Variants in SLC25A28 observed in about 807,000 individuals in gnomAD.
SLC25A28 encodes the protein solute carrier family 25 member 28, also known as mitoferrin-2.
SLC25A28 carries 10 observed loss-of-function variants against 31.9 expected under a neutral mutation model. The ratio of observed to expected loss-of-function variants is 0.31; its 90% CI spans 0.19 to 0.53. The LOEUF is 0.53. SLC25A28 is among the 20% of genes least tolerant of loss of function. SLC25A28 has a pLI of 0.95. For synonymous variants in SLC25A28, 208 were observed against 203.6 expected, an observed-to-expected ratio of 1.02 and a Z score of -0.19; for missense variants, 256 against 490.3, an observed-to-expected ratio of 0.52 and a Z score of 4.51.
the SLC25A28 span, among the ~76,000 whole-genome samples, chr10:99,658,305 G>A: frequency 6.6e-6 from 1 of 152,084 alleles, no homozygotes. Flanking sequence ...AAAGCATTTG[G>A]GTGGTCTTCC....
At chr10:99,612,883 C>T (rs1163530731) in intron 2 of SLC25A28, among the ~76,000 whole-genome samples, 1 of 152,186 alleles carries the variant, frequency 6.6e-6, no homozygotes, top group Non-Finnish European at 1.5e-5. Context: ...ATGCAGCTCA[C>T]ACCCCAGACA....
the SLC25A28 span, among the ~76,000 whole-genome samples, chr10:99,627,982 C>A: frequency 1.3e-5 from 2 of 152,104 alleles, no homozygotes; most frequent in African/African-American, 4.8e-5. Context: ...GAGAACAGAG[C>A]AGTGAGTTTT....
chr10:99,631,862 A>G, the SLC25A28 span, among the ~76,000 whole-genome samples: 2 of 150,664 alleles, frequency 1.3e-5, no homozygotes, highest in African/African-American at 2.4e-5. Flanking sequence ...TCTGTACTGA[A>G]CACGCTCAGT....
intron 2 of SLC25A28, 144 bp from the exon 3 acceptor site, chr10:99,612,743 T>G (rs745786203): frequency 1.0e-5 from 9 of 869,724 alleles, no homozygotes; most frequent in Non-Finnish European, 1.7e-5. Flanking sequence ...GGGGACCCAC[T>G]GCTCCTAAAC....
intron 1 of SLC25A28, 118 bp from the exon 2 acceptor site, chr10:99,614,042 T>C (rs1322801101): frequency 9.9e-6 from 12 of 1,212,674 alleles, no homozygotes; most frequent in African/African-American, 1.5e-5. Context: ...GATATCTGGC[T>C]TTCAGCTTAT....
chr10:99,643,322 C>A, the SLC25A28 span, among the ~76,000 whole-genome samples: 2 of 152,150 alleles, frequency 1.3e-5, no homozygotes, highest in African/African-American at 4.8e-5. Flanking sequence ...GGAATTTATC[C>A]ATTTCTTCTA....
intron 1 of SLC25A28, chr10:99,618,866 T>C (rs1245642995): frequency 2.0e-6 from 2 of 985,346 alleles, no homozygotes; most frequent in African/African-American, 3.5e-5. Context: ...TTTCCCAAGT[T>C]GATTCTCTCC....
intron 1 of SLC25A28, chr10:99,617,554 G>A (rs2133354615): frequency 1.0e-6 from 1 of 985,420 alleles, no homozygotes; most frequent in Non-Finnish European, 1.2e-6. Flanking sequence ...CTGGGGACAA[G>A]CAAACTGGGA....
the SLC25A28 span, among the ~76,000 whole-genome samples, chr10:99,638,273 C>T: frequency 6.6e-6 from 1 of 152,158 alleles, no homozygotes; most frequent in Admixed American, 6.5e-5. Context: ...TCATCTCTCA[C>T]CTTATACAAA....
chr10:99,656,476 G>A, the SLC25A28 span, among the ~76,000 whole-genome samples: 2 of 152,158 alleles, frequency 1.3e-5, no homozygotes, highest in Non-Finnish European at 2.9e-5. Context: ...GATATGATGA[G>A]AGTGGAGAGA....
chr10:99,612,584 A>G lies in SLC25A28; in HGVS notation c.536T>C (p.Val179Ala), dbSNP rs769998632. The change falls in exon 3 of 4, where the codon GTG (valine) becomes GCG (alanine). Residue 179 changes from valine to alanine, a missense_variant. Transcript: ENST00000370495. ...GGCTGCATCATGAAGTAATGTTGCC[A>G]CACACCCGGCCGCACCTGCAAACAA... ...SHIANGAAGCVATLLHDAAMN... is the reference protein window; with the variant it reads ...SHIANGAAGCAATLLHDAAMN... The G allele has an allele frequency of 6.2e-6, 10 of 1,614,086 alleles. No individual in the cohort carries two copies. The highest frequency in any genetic ancestry group is 7.6e-6 in the Non-Finnish European group (9 of 1,180,046).
the SLC25A28 span, among the ~76,000 whole-genome samples, chr10:99,648,790 C>T: frequency 6.7e-6 from 1 of 148,802 alleles, no homozygotes; most frequent in Non-Finnish European, 1.5e-5. Context: ...GATTTCTGTA[C>T]ATTAATTTTG....
At chr10:99,658,025 A>C in the SLC25A28 span, among the ~76,000 whole-genome samples, 2 of 152,140 alleles carry the variant, frequency 1.3e-5, no homozygotes, top group African/African-American at 4.8e-5. Context: ...ATCTCTACAA[A>C]GAATTAAAAA....
At chr10:99,633,354 C>T in the SLC25A28 span, among the ~76,000 whole-genome samples, 2 of 152,158 alleles carry the variant, frequency 1.3e-5, no homozygotes, top group Non-Finnish European at 2.9e-5. Context: ...CTCTGTATTA[C>T]TTAGCCTTTC....
the SLC25A28 span, among the ~76,000 whole-genome samples, chr10:99,658,630 G>C: frequency 6.6e-6 from 1 of 152,156 alleles, no homozygotes; most frequent in Non-Finnish European, 1.5e-5. Flanking sequence ...ATTCAAGGCA[G>C]GTGGAGGGGC....
Position 99,610,845 on chromosome 10 carries a change from T to A in SLC25A28, c.*4A>T. Reference sequence around the variant, plus strand: ...CTGAACCCCTGGCTTCGTTCAGTGCTACTTCACTTGCCAGCCCTCCACTCT... The same window carrying A: ...CTGAACCCCTGGCTTCGTTCAGTGCAACTTCACTTGCCAGCCCTCCACTCT... On this transcript the variant is annotated 3_prime_UTR_variant, in exon 4 of 4. Transcript: ENST00000370495. 6.2e-7 allele frequency: 1 copy of A among 1,612,316 alleles called. No individual in the cohort carries two copies. The highest frequency in any genetic ancestry group is 1.1e-5 in the South Asian group (1 of 90,972).
At chr10:99,627,329 G>A in the SLC25A28 span, among the ~76,000 whole-genome samples, 1 of 152,082 alleles carries the variant, frequency 6.6e-6, no homozygotes, top group African/African-American at 2.4e-5. Flanking sequence ...GGCCTGCAAT[G>A]TGAAATAATC....
chr10:99,618,443 T>C, intron 1 of SLC25A28: 1 of 985,456 alleles, frequency 1.0e-6, no homozygotes, highest in South Asian at 4.7e-5. Flanking sequence ...ACAGTCTAAG[T>C]CTAGGGAGGT....
the SLC25A28 span, among the ~76,000 whole-genome samples, chr10:99,643,358 G>A: frequency 2.6e-5 from 4 of 152,178 alleles, no homozygotes; most frequent in Admixed American, 2.0e-4. Flanking sequence ...TTCCTTAGAG[G>A]TGTTTATAGT....
Sources: allele counts gnomAD v4.1 joint callset (sites outside exome capture counted in the v4.1 genomes callset), GRCh38; gene constraint gnomAD v4.1.1; transcripts MANE v1.5; gene names NCBI Gene and HGNC (gene_info 2026-07-23, HGNC 2026-07-21).